Variants in ARHGEF17 observed in about 807,000 individuals in gnomAD.
ARHGEF17 encodes 164 kDa Rho-specific guanine-nucleotide exchange factor.
In ARHGEF17, 80 loss-of-function variants were observed where a neutral mutation model predicts 174.0. That is an observed-to-expected ratio of 0.46 (90% CI 0.38 to 0.55). The LOEUF (loss-of-function observed/expected upper bound fraction) is 0.55, where lower values mean the gene tolerates loss of function less well. Ranked by LOEUF, ARHGEF17 falls within the 20% of genes least tolerant of loss-of-function variation. ARHGEF17 has a pLI of 0.00. For missense variants in ARHGEF17, 2,886 were observed against 2,839.7 expected, an observed-to-expected ratio of 1.02 and a Z score of -0.37; for synonymous variants, 1,311 against 1,189.1, an observed-to-expected ratio of 1.10 and a Z score of -2.11.
chr11:73,351,104 C>G (rs1214548413), intron 2 of ARHGEF17, among the ~76,000 whole-genome samples: 1 of 152,220 alleles, frequency 6.6e-6, no homozygotes, highest in South Asian at 2.1e-4. Context: ...TGTGGAGCAG[C>G]GGGCCCTGAC....
intron 1 of ARHGEF17, among the ~76,000 whole-genome samples, chr11:73,336,400 T>A (rs1865287129): frequency 6.6e-6 from 1 of 151,962 alleles, no homozygotes; most frequent in South Asian, 2.1e-4. Flanking sequence ...TTCCCAGAGG[T>A]CTAGGAGGGG....
At chr11:73,356,041 T>C in intron 5 of ARHGEF17, 88 bp downstream of exon 5, 2 of 1,584,692 alleles carry the variant, frequency 1.3e-6, no homozygotes, top group Non-Finnish European at 1.7e-6. Flanking sequence ...TCGTTGAGCC[T>C]GACATCAGGG....
In ARHGEF17 at chr11:73,309,138, A is replaced by AGCCACCGAC. The variant is rs1362317797; in HGVS notation, c.507_515dup (p.Thr170_Pro172dup). On this transcript the variant is annotated inframe_insertion, in exon 1 of 21. Transcript: ENST00000263674. ...GAGCCTCCGGCTCGGGAGTCGCGGC[A>AGCCACCGAC]GCCACCGACGCCACCCCCTCGGACA... 5 of 1,577,700 alleles carry AGCCACCGAC rather than the reference A, an allele frequency of 3.2e-6. No individual in the cohort carries two copies. Among genetic ancestry groups the AGCCACCGAC allele is most frequent in the Non-Finnish European group, 4.3e-6 (5 of 1,164,398 alleles).
At chr11:73,361,213 T>G in intron 12 of ARHGEF17, 52 bp downstream of exon 12, 1 of 1,560,288 alleles carries the variant, frequency 6.4e-7, no homozygotes, top group Non-Finnish European at 8.8e-7. Flanking sequence ...CCAGCAGGTG[T>G]TCATGAATTT....
chr11:73,364,027 T>G (rs529520416), intron 16 of ARHGEF17, 145 bp from the exon 17 acceptor site: 7 of 1,074,418 alleles, frequency 6.5e-6, no homozygotes, highest in Non-Finnish European at 9.7e-6. Flanking sequence ...TTTCTTAGCC[T>G]CAGGCAACCC....
At position 73,352,981 on chromosome 11, in the gene ARHGEF17, A is replaced by G. The variant is rs779691053; in HGVS notation, c.3422A>G (p.Gln1141Arg). The change falls in exon 3 of 21, where the codon CAG becomes CGG. Residue 1141 changes from glutamine (Q) to arginine (R), a missense_variant. Physicochemically the swap from Gln to Arg is conservative, Grantham distance 43. Coordinates refer to ENST00000263674, the MANE Select transcript of ARHGEF17 (RefSeq NM_014786.4). ...VRHCMQTWHA[Q>R]QKVGALLVQS... ...CACTGCATGCAGACCTGGCATGCCC[A>G]GCAGAAGGTGGGAGCCCTGCTCGTC... is the stretch of plus-strand genomic sequence containing the variant. 1.2e-6 allele frequency: 2 copies of G among 1,613,924 alleles called. No individual in the cohort carries two copies. Among genetic ancestry groups the G allele is most frequent in the Admixed American group, 1.7e-5 (1 of 60,008 alleles).
At position 73,311,451 on chromosome 11, in the gene ARHGEF17, A is replaced by T; in HGVS notation, c.2813A>T (p.Glu938Val). 6.2e-7 allele frequency: 1 copy of T among 1,613,326 alleles called. No homozygotes were observed. The highest frequency in any genetic ancestry group is 8.5e-7 in the Non-Finnish European group (1 of 1,180,034). The stretch of plus-strand genomic sequence containing the variant: ...AGTCACCAGGAGCTTCGGAGAGACG[A>T]GGGCAGTCAGGACCAGACTGGCAGC... ...RSSHQELRRD[E>V]GSQDQTGSLS... is the part of the protein sequence containing the mutation. Residue 938 changes from glutamate (E) to valine (V), a missense_variant, in exon 1 of 21, where the codon GAG becomes GTG. Glu to Val is a moderately radical substitution (Grantham distance 121, BLOSUM62 -2). Around this residue, in one of 4 missense-constraint regions of ARHGEF17, gnomAD observed 1,728 missense variants for 1,461.2 expected, o/e 1.18. Coordinates refer to ENST00000263674, the MANE Select transcript of ARHGEF17 (RefSeq NM_014786.4).
intron 10 of ARHGEF17, 35 bp from the exon 11 acceptor site, chr11:73,360,285 G>A (rs2134420459): frequency 6.2e-7 from 1 of 1,609,708 alleles, no homozygotes; most frequent in Non-Finnish European, 8.5e-7. Context: ...CTGGTGAGAT[G>A]CTGGGGCCTG....
At chr11:73,332,017 G>C (rs937527465) in intron 1 of ARHGEF17, among the ~76,000 whole-genome samples, 1 of 152,188 alleles carries the variant, frequency 6.6e-6, no homozygotes, top group Non-Finnish European at 1.5e-5. Flanking sequence ...TCAGCCCTGC[G>C]GATATGCCAG....
At position 73,355,662 on chromosome 11, in the gene ARHGEF17, A is replaced by G; in HGVS notation, c.3570+13A>G. ...CAAGTTCCTAGAGGTACTGTGGGCT[A>G]GGGCAGGGGGATGGAGGTGACCCTC... On this transcript the variant is annotated intron_variant, in intron 4 of 20. Transcript: ENST00000263674. 6.2e-7 allele frequency: 1 copy of G among 1,610,170 alleles called. No homozygotes were observed. The highest frequency in any genetic ancestry group is 8.5e-7 in the Non-Finnish European group (1 of 1,176,482).
rs1865723011 is a variant in ARHGEF17 at position 73,360,610 on chromosome 11, T to C, written c.4420+77T>C. 4.6e-6 allele frequency: 7 copies of C among 1,531,814 alleles called. No individual in the cohort carries two copies. In the Middle Eastern group the frequency reaches 8.4e-4, roughly 185 times the overall value. 94.9% of individuals were successfully genotyped at this position (1,531,814 alleles called of 1,614,324 possible). On this transcript the variant is annotated intron_variant, in intron 11 of 20. Coordinates refer to ENST00000263674, the MANE Select transcript of ARHGEF17 (RefSeq NM_014786.4). The stretch of plus-strand genomic sequence containing the variant: ...GCCAGAGGCATCTCACAGCTGTCTG[T>C]GACTTCAGGAGCCAGAACCGCAGTG...
At chr11:73,359,401 A>G (rs1865698195) in intron 9 of ARHGEF17, among the ~76,000 whole-genome samples, 2 of 152,220 alleles carry the variant, frequency 1.3e-5, no homozygotes, top group African/African-American at 4.8e-5. Context: ...AATCCAGGGC[A>G]CCATGCACTG....
At position 73,367,708 on chromosome 11, in the gene ARHGEF17, T is replaced by C. The variant is rs1313533400; in HGVS notation, c.6120T>C (p.Ser2040=). Residue 2040 remains serine (S), a synonymous_variant, in exon 21 of 21, where the codon AGT becomes AGC. Coordinates refer to ENST00000263674, the MANE Select transcript of ARHGEF17 (RefSeq NM_014786.4). ...GDGYEDFRLS[S]GGGSSSETVG... ...GCTATGAGGACTTCCGACTCAGCAG[T>C]GGGGGCGGCAGCAGCAGTGAGACTG... The C allele has an allele frequency of 1.9e-6, 3 of 1,613,960 alleles. No individual in the cohort carries two copies. In the African/African-American group the frequency reaches 4.0e-5, roughly 22 times the overall value.
chr11:73,348,157 G>A (rs1207829355), intron 2 of ARHGEF17, among the ~76,000 whole-genome samples: 1 of 152,184 alleles, frequency 6.6e-6, no homozygotes, highest in East Asian at 1.9e-4. Context: ...CAGAGTGACA[G>A]CAAAGGGTAA....
intron 1 of ARHGEF17, among the ~76,000 whole-genome samples, chr11:73,332,478 T>C (rs1344092557): frequency 6.6e-6 from 1 of 151,522 alleles, no homozygotes; most frequent in African/African-American, 2.4e-5. Flanking sequence ...TATACCCAAA[T>C]ACTTCTCCAT....
At chr11:73,316,438 C>T (rs1185761845) in intron 1 of ARHGEF17, among the ~76,000 whole-genome samples, 11 of 151,628 alleles carry the variant, frequency 7.3e-5, no homozygotes, top group Admixed American at 2.6e-4. Flanking sequence ...TGGTAGGGTC[C>T]GAGAAAAAAA....
At chr11:73,320,292 G>T (rs1864995262) in intron 1 of ARHGEF17, among the ~76,000 whole-genome samples, 1 of 152,102 alleles carries the variant, frequency 6.6e-6, no homozygotes, top group Admixed American at 6.5e-5. Context: ...CGAGGCTGTA[G>T]TCGATGGGGG....
chr11:73,308,443 GA>G lies in ARHGEF17; in HGVS notation c.-195del. On this transcript the variant is annotated 5_prime_UTR_variant, in exon 1 of 21. The change abolishes an upstream ATG in the 5' untranslated region. Transcript: ENST00000263674. ...CGCTGAGGCGGGAGGGGCCGCCCGG[GA>G]TGGAGACGTTGCGGCCGGTGGCCAC... is the stretch of plus-strand genomic sequence containing the variant. The G allele has an allele frequency of 2.0e-6, 1 of 489,666 alleles. No homozygotes were observed. The highest frequency in any genetic ancestry group is 5.7e-5 in the South Asian group (1 of 17,674). 30.3% of individuals were successfully genotyped at this position (489,666 alleles called of 1,614,324 possible).
chr11:73,343,403 G>A (rs1865407888), intron 1 of ARHGEF17: 4 of 389,680 alleles, frequency 1.0e-5, no homozygotes, highest in South Asian at 2.8e-4. Context: ...CTGTGACCGG[G>A]GATGGAGACC....
Sources: gnomAD v4.1 joint callset for allele counts (sites outside exome capture counted in the v4.1 genomes callset) on GRCh38, gnomAD v4.1.1 for gene constraint, gnomAD v4.1.1 regional missense constraint, MANE v1.5 for transcripts, NCBI Gene and HGNC (gene_info 2026-07-23, HGNC 2026-07-21) for gene names.